The following GMDS variants were observed in gnomAD, a reference collection of about 807,000 sequenced individuals.
The protein encoded by GMDS is GDP-mannose 4,6 dehydratase.
In GMDS, 20 loss-of-function variants were observed where a neutral mutation model predicts 49.9. The ratio of observed to expected loss-of-function variants is 0.40; its 90% CI spans 0.28 to 0.58. The LOEUF (loss-of-function observed/expected upper bound fraction) is 0.58, where lower values mean the gene tolerates loss of function less well. GMDS is among the 20% of genes least tolerant of loss of function. The pLI is 0.42. For missense variants in GMDS, 362 were observed against 481.4 expected, an observed-to-expected ratio of 0.75 and a Z score of 2.32; for synonymous variants, 177 against 178.6, an observed-to-expected ratio of 0.99 and a Z score of 0.07.
chr6:1,914,131 GTTTTTTTTTTT>G (rs563808537), intron 7 of GMDS, among the ~76,000 whole-genome samples: 9 of 77,858 alleles, frequency 1.2e-4, no homozygotes, highest in Non-Finnish European at 1.5e-4. Context: ...TTTTTTGTTT[GTTTTTTTTTTT>G]TTTTTTTTTT....
intron 7 of GMDS, among the ~76,000 whole-genome samples, chr6:1,759,173 C>T (rs1267132567): frequency 6.6e-6 from 1 of 152,190 alleles, no homozygotes; most frequent in South Asian, 2.1e-4. Context: ...TTCATCTCCA[C>T]AACCAAACTC....
chr6:2,075,502 G>A (rs1052653936), intron 4 of GMDS, among the ~76,000 whole-genome samples: 1 of 152,116 alleles, frequency 6.6e-6, no homozygotes, highest in Non-Finnish European at 1.5e-5. Flanking sequence ...GTGAGAACAC[G>A]CGATGTTTGG....
intron 7 of GMDS, among the ~76,000 whole-genome samples, chr6:1,923,792 G>A (rs1761849037): frequency 6.6e-6 from 1 of 152,212 alleles, no homozygotes; most frequent in South Asian, 2.1e-4. Flanking sequence ...AAGTTTAAAT[G>A]ACGTCTCTTC....
chr6:2,011,996 G>C (rs1207276555), intron 4 of GMDS, among the ~76,000 whole-genome samples: 3 of 152,172 alleles, frequency 2.0e-5, no homozygotes, highest in Non-Finnish European at 4.4e-5. Flanking sequence ...ATTATCTTAA[G>C]TGAAATAGCT....
intron 7 of GMDS, among the ~76,000 whole-genome samples, chr6:1,901,683 C>A (rs1214847757): frequency 6.6e-6 from 1 of 152,188 alleles, no homozygotes; most frequent in African/African-American, 2.4e-5. Context: ...TTTGATATGT[C>A]ATGGCAATGA....
intron 1 of GMDS, among the ~76,000 whole-genome samples, chr6:2,185,815 G>T (rs868376208): frequency 6.6e-6 from 1 of 152,026 alleles, no homozygotes; most frequent in Non-Finnish European, 1.5e-5. Context: ...CATCAGCCTC[G>T]TCTATGTAGT....
chr6:2,071,518 A>G (rs1771998120), intron 4 of GMDS, among the ~76,000 whole-genome samples: 1 of 152,084 alleles, frequency 6.6e-6, no homozygotes, highest in Non-Finnish European at 1.5e-5. Context: ...CCTCTTAATT[A>G]ACAGGAGCTC....
chr6:1,948,249 T>A (rs1257175622), intron 6 of GMDS, among the ~76,000 whole-genome samples: 1 of 152,162 alleles, frequency 6.6e-6, no homozygotes, highest in East Asian at 1.9e-4. Flanking sequence ...GGAACAATAT[T>A]CCATAACAAA....
In GMDS at chr6:1,806,306, A is replaced by T. The variant is rs577038628; in HGVS notation, c.772-63720T>A. ...TACTAAAGGTTCTTATAAATTGAAA[A>T]CTCGGTTTTGGATTAGAGAGGCAGA... is the stretch of plus-strand genomic sequence containing the variant. On this transcript the variant is annotated intron_variant, in intron 7 of 10. Coordinates refer to ENST00000380815, the MANE Select transcript of GMDS (RefSeq NM_001500.4). Among the ~76,000 whole-genome samples the T allele has an allele frequency of 2.6e-5, 4 of 151,830 alleles. No homozygotes were observed. In the South Asian group the frequency reaches 8.4e-4, roughly 32 times the overall value.
chr6:1,972,107 C>T (rs949681584), intron 4 of GMDS, among the ~76,000 whole-genome samples: 11 of 152,178 alleles, frequency 7.2e-5, no homozygotes, highest in African/African-American at 2.4e-4. Flanking sequence ...CAATTCTTTG[C>T]CACTTCCACA....
rs143620997 is a variant in GMDS, at chr6:1,638,302, C to A, written c.988-13762G>T. On this transcript the variant is annotated intron_variant, in intron 9 of 10. Transcript: ENST00000380815. Reference sequence around the variant, plus strand: ...TTAGAGCAAAACAAAAATTCCACTGCTTTTCTCCAGCTGGAGATGAATGGT... The same window carrying A: ...TTAGAGCAAAACAAAAATTCCACTGATTTTCTCCAGCTGGAGATGAATGGT... 4.9e-3 allele frequency among the ~76,000 whole-genome samples: 751 copies of A among 152,272 alleles called. 8 individuals carry two copies. Among genetic ancestry groups the A allele is most frequent in the African/African-American group, 0.017 (720 of 41,546 alleles).
chr6:1,722,840 AG>A (rs547278309), intron 9 of GMDS, among the ~76,000 whole-genome samples: 142 of 152,352 alleles, frequency 9.3e-4, no homozygotes, highest in African/African-American at 3.4e-3. Flanking sequence ...TACACAAGAC[AG>A]GGGTCTTAAG....
At chr6:1,672,837 C>A (rs1209409821) in intron 9 of GMDS, among the ~76,000 whole-genome samples, 1 of 152,196 alleles carries the variant, frequency 6.6e-6, no homozygotes, top group Non-Finnish European at 1.5e-5. Context: ...TCTTAGGAAA[C>A]TGCCCTGAGA....
intron 1 of GMDS, among the ~76,000 whole-genome samples, chr6:2,190,652 T>C (rs370129542): frequency 6.6e-6 from 1 of 152,148 alleles, no homozygotes; most frequent in Non-Finnish European, 1.5e-5. Flanking sequence ...GCACATGTTT[T>C]TTTGCAAAAA....
chr6:1,819,777 AT>A (rs370627898), intron 7 of GMDS, among the ~76,000 whole-genome samples: 8,049 of 63,642 alleles, frequency 0.13, 303 homozygotes, highest in East Asian at 0.31. Context: ...AAAAAAAAAA[AT>A]ATATATATAT....
chr6:1,751,358 G>A lies in GMDS; in HGVS notation c.772-8772C>T, dbSNP rs530966896. 3.3e-5 allele frequency among the ~76,000 whole-genome samples: 5 copies of A among 152,320 alleles called. No homozygotes were observed. In the East Asian group the frequency reaches 5.8e-4, roughly 18 times the overall value. On this transcript the variant is annotated intron_variant, in intron 7 of 10. Transcript: ENST00000380815. ...CATCTGATGGGTGCCCCTCTGGAAC[G>A]AAGCTCCCGGAGGAAGGAACAGGCA...
intron 9 of GMDS, among the ~76,000 whole-genome samples, chr6:1,644,781 A>G (rs1206666250): frequency 6.6e-6 from 1 of 152,060 alleles, no homozygotes; most frequent in Non-Finnish European, 1.5e-5. Flanking sequence ...TGAGCCTTGC[A>G]CCCACTGCAA....
At chr6:2,199,479 T>C (rs1779411164) in intron 1 of GMDS, among the ~76,000 whole-genome samples, 3 of 152,208 alleles carry the variant, frequency 2.0e-5, no homozygotes, top group Admixed American at 2.0e-4. Context: ...TGCCTTCAAA[T>C]GCCTCCACTC....
intron 7 of GMDS, among the ~76,000 whole-genome samples, chr6:1,772,525 C>T (rs1490659659): frequency 6.6e-6 from 1 of 152,166 alleles, no homozygotes; most frequent in African/African-American, 2.4e-5. Context: ...CTTATTTCTT[C>T]AATTAAAGTA....
Sources: allele counts gnomAD v4.1 joint callset (sites outside exome capture counted in the v4.1 genomes callset), GRCh38; gene constraint gnomAD v4.1.1; transcripts MANE v1.5; gene names NCBI Gene and HGNC (gene_info 2026-07-23, HGNC 2026-07-21).